The following PLB1 variants were observed in gnomAD, a reference collection of about 807,000 sequenced individuals.
PLB1 encodes the protein phospholipase B1, membrane-associated.
Under a neutral mutation model 227.4 loss-of-function variants are expected in PLB1, and 242 were observed. The observed-to-expected ratio is 1.06, with a 90% CI of 0.96 to 1.18. The LOEUF (loss-of-function observed/expected upper bound fraction) is 1.18, where lower values mean the gene tolerates loss of function less well. PLB1 is among the 50% of genes most tolerant of loss of function. PLB1 has a pLI of 0.00. For synonymous variants in PLB1, 757 were observed against 682.2 expected (o/e 1.11, Z -1.71); for missense variants, 1,858 against 1,816.3 (o/e 1.02, Z -0.42).
chr2:28,524,643 T>C (rs925777004), intron 4 of PLB1, among the ~76,000 whole-genome samples: 134 of 152,256 alleles, frequency 8.8e-4, no homozygotes, highest in African/African-American at 3.2e-3. Context: ...TTCTAGATTT[T>C]GGAGGGTCAT....
intron 52 of PLB1, 87 bp downstream of exon 52, chr2:28,628,715 G>A (rs1185096352): frequency 3.9e-5 from 51 of 1,306,794 alleles, no homozygotes; most frequent in Middle Eastern, 2.2e-4. Context: ...AGATGCTCAC[G>A]GAGCAGAGAC....
At chr2:28,574,130 A>G (rs1258616810) in intron 21 of PLB1, among the ~76,000 whole-genome samples, 1 of 152,212 alleles carries the variant, frequency 6.6e-6, no homozygotes, top group Admixed American at 6.5e-5. Flanking sequence ...AGTGAATGCC[A>G]TACCTAATCA....
intron 20 of PLB1, 65 bp downstream of exon 20, chr2:28,566,904 C>CT: frequency 6.3e-7 from 1 of 1,583,430 alleles, no homozygotes; most frequent in Non-Finnish European, 8.7e-7. Context: ...CCCGCTCCCC[C>CT]TGCAGGTGGC....
Position 28,601,469 on chromosome 2 carries a change from C to CCACACACACACA in PLB1, c.2607+157_2607+168dup, listed in dbSNP as rs3071740. On this transcript the variant is annotated intron_variant, in intron 37 of 57. Coordinates refer to ENST00000327757, the MANE Select transcript of PLB1 (RefSeq NM_153021.5). ...ACCTATGTCTGCACATATACACATA[C>CCACACACACACA]CACACACACACACACACACACACAC... The CCACACACACACA allele has an allele frequency of 2.1e-3, 1,254 of 600,204 alleles. 8 individuals carry two copies. Among genetic ancestry groups the CCACACACACACA allele is most frequent in the African/African-American group, 0.016 (829 of 53,430 alleles). The allele number at this position is 600,204 out of a possible 1,614,324, so 37.2% of individuals were successfully genotyped here.
At chr2:28,522,639 C>T (rs890644762) in intron 4 of PLB1, among the ~76,000 whole-genome samples, 1 of 152,156 alleles carries the variant, frequency 6.6e-6, no homozygotes, top group Non-Finnish European at 1.5e-5. Flanking sequence ...CCGTCAGTGA[C>T]TTGCACTCCT....
chr2:28,616,630 A>G (rs1686237254), intron 44 of PLB1, among the ~76,000 whole-genome samples: 1 of 152,248 alleles, frequency 6.6e-6, no homozygotes, highest in Non-Finnish European at 1.5e-5. Flanking sequence ...TATCTGAGAT[A>G]TATCTCATGT....
intron 17 of PLB1, among the ~76,000 whole-genome samples, chr2:28,559,090 A>G (rs1009044793): frequency 4.6e-5 from 7 of 152,334 alleles, no homozygotes; most frequent in East Asian, 1.9e-4. Context: ...CAGTGGTGCA[A>G]TCATAGCTCA....
rs773150263 is a variant in PLB1, at chr2:28,540,371, C to A, written c.704C>A (p.Ala235Glu). 8.7e-6 allele frequency: 14 copies of A among 1,614,004 alleles called. No individual in the cohort carries two copies. The highest frequency in any genetic ancestry group is 1.2e-5 in the Non-Finnish European group (14 of 1,179,950). Residue 235 changes from alanine to glutamate, a missense_variant, in exon 12 of 58, where the codon GCA (alanine) becomes GAA (glutamate). Coordinates refer to ENST00000327757, the MANE Select transcript of PLB1 (RefSeq NM_153021.5). ...TGGTGTGTTTTAACCTGCAGCCCTGCACCAGAGCCCTGTAATTGCTCAGAG... is the reference window on the plus strand; with the variant it reads ...TGGTGTGTTTTAACCTGCAGCCCTGAACCAGAGCCCTGTAATTGCTCAGAG... ...RQYHGTWLSP[A>E]PEPCNCSEET... is the part of the protein sequence containing the mutation.
chr2:28,594,252 T>C, intron 33 of PLB1: 1 of 279,494 alleles, frequency 3.6e-6, no homozygotes, highest in South Asian at 3.3e-5. Context: ...CAATCAGCCA[T>C]GTCTTGAAAG....
chr2:28,628,612 A>C lies in PLB1; in HGVS notation c.3710A>C (p.Asp1237Ala). The C allele has an allele frequency of 1.9e-6, 3 of 1,614,124 alleles. No individual in the cohort carries two copies. The highest frequency in any genetic ancestry group is 2.5e-6 in the Non-Finnish European group (3 of 1,180,022). Residue 1237 changes from aspartate (D) to alanine (A), a missense_variant, in exon 52 of 58, where the codon GAC becomes GCC. Physicochemically the swap from Asp to Ala is moderately radical, Grantham distance 126. Transcript: ENST00000327757. The part of the protein sequence containing the change: ...EYVQHIQQAL[D>A]ILSEELPRAF... ...GTTCAGCACATCCAACAGGCCCTGGACATCCTCTCTGAGGAGGTAGGAGAG... is the reference window on the plus strand; with the variant it reads ...GTTCAGCACATCCAACAGGCCCTGGCCATCCTCTCTGAGGAGGTAGGAGAG...
intron 1 of PLB1, 76 bp downstream of exon 1, chr2:28,496,245 G>T: frequency 1.4e-6 from 2 of 1,388,644 alleles, no homozygotes; most frequent in South Asian, 2.4e-5. Flanking sequence ...GGCAATGGGT[G>T]TGTGAGAGGA....
At chr2:28,561,258 C>T (rs1382702336) in intron 17 of PLB1, among the ~76,000 whole-genome samples, 2 of 152,198 alleles carry the variant, frequency 1.3e-5, no homozygotes, top group Non-Finnish European at 2.9e-5. Flanking sequence ...GCCACTGCTT[C>T]GTGTTCAACA....
intron 44 of PLB1, among the ~76,000 whole-genome samples, chr2:28,617,114 A>G (rs1177327488): frequency 6.6e-6 from 1 of 152,240 alleles, no homozygotes; most frequent in Non-Finnish European, 1.5e-5. Context: ...AAAATTGACT[A>G]AAAGCATCCA....
rs201718814 is a variant in PLB1 at position 28,642,956 on chromosome 2, G to A, written c.4272G>A (p.Ala1424=). 1.1e-5 allele frequency: 17 copies of A among 1,609,350 alleles called. No homozygotes were observed. The highest frequency in any genetic ancestry group is 2.2e-5 in the East Asian group (1 of 44,714). Residue 1424 remains alanine (A), a synonymous_variant, in exon 58 of 58, where the codon GCG becomes GCA. Coordinates refer to ENST00000327757, the MANE Select transcript of PLB1 (RefSeq NM_153021.5). Reference sequence around the variant, plus strand: ...TCTACTGGGCTGTCCCAGTGGCAGCGGGAGTCGGCCTTGTGGTGGGCATCA... The same window carrying A: ...TCTACTGGGCTGTCCCAGTGGCAGCAGGAGTCGGCCTTGTGGTGGGCATCA... ...EVLYWAVPVA[A]GVGLVVGIIG...
chr2:28,566,698 TGTTTCTCGGG>T (rs1676970903), intron 19 of PLB1, 88 bp from the exon 20 acceptor site: 1 of 1,347,084 alleles, frequency 7.4e-7, no homozygotes, highest in African/African-American at 1.4e-5. Context: ...GCCCCCGGGC[TGTTTCTCGGG>T]AGACGGGCGT....
chr2:28,621,449 G>A (rs1348670620), intron 49 of PLB1, among the ~76,000 whole-genome samples: 1 of 152,176 alleles, frequency 6.6e-6, no homozygotes, highest in East Asian at 1.9e-4. Context: ...TCAGTCTTTG[G>A]CTCTGAAAAA....
rs1216490275 is a variant in PLB1 at position 28,528,474 on chromosome 2, G to A, written c.326-843G>A. Reference sequence around the variant, plus strand: ...TTCCCTGGAGCTTTCCCACCCTGCTGTCACTCTCAGGAGAAGGGAGGGGGG... The same window carrying A: ...TTCCCTGGAGCTTTCCCACCCTGCTATCACTCTCAGGAGAAGGGAGGGGGG... On this transcript the variant is annotated intron_variant, in intron 6 of 57. Transcript: ENST00000327757. Among the ~76,000 whole-genome samples, 3 of 152,306 alleles carry A rather than the reference G, an allele frequency of 2.0e-5. No individual in the cohort carries two copies. The East Asian group carries it at 5.8e-4, about 29-fold the overall frequency.
chr2:28,594,116 G>T (rs1682499626), intron 33 of PLB1: 1 of 550,540 alleles, frequency 1.8e-6, no homozygotes, highest in African/African-American at 1.9e-5. Flanking sequence ...TCTGTTTACT[G>T]TCTTTATGTG....
chr2:28,585,022 G>A (rs1232996171), intron 25 of PLB1, among the ~76,000 whole-genome samples: 4 of 152,128 alleles, frequency 2.6e-5, no homozygotes. Context: ...GGACTAAACA[G>A]GTTAATACCC....
Sources: gnomAD v4.1 joint callset for allele counts (sites outside exome capture counted in the v4.1 genomes callset) on GRCh38, gnomAD v4.1.1 for gene constraint, MANE v1.5 for transcripts, NCBI Gene and HGNC (gene_info 2026-07-23, HGNC 2026-07-21) for gene names.